Variants in HDGFL3 observed in about 807,000 individuals in gnomAD.
HDGFL3 encodes the protein hepatoma-derived growth factor-related protein 3.
HDGFL3 carries 6 observed loss-of-function variants against 27.6 expected under a neutral mutation model. The ratio of observed to expected loss-of-function variants is 0.22; its 90% CI spans 0.12 to 0.43. The LOEUF (loss-of-function observed/expected upper bound fraction) is 0.43, where lower values mean the gene tolerates loss of function less well. HDGFL3 is among the 20% of genes least tolerant of loss of function. The probability of loss-of-function intolerance (pLI) is 1.00; values close to 1 mark genes in which losing one functional copy is unlikely to be tolerated. For synonymous variants in HDGFL3, 88 were observed against 88.9 expected, an observed-to-expected ratio of 0.99 and a Z score of 0.05; for missense variants, 207 against 250.1, an observed-to-expected ratio of 0.83 and a Z score of 1.16.
chr15:83,151,997 T>C (rs1462600619), intron 4 of HDGFL3, among the ~76,000 whole-genome samples: 1 of 152,234 alleles, frequency 6.6e-6, no homozygotes, highest in East Asian at 1.9e-4. Context: ...TAGAGGAAGA[T>C]GAAAATACAA....
intron 2 of HDGFL3, among the ~76,000 whole-genome samples, chr15:83,158,260 T>C (rs1228708761): frequency 6.6e-6 from 1 of 152,240 alleles, no homozygotes; most frequent in Non-Finnish European, 1.5e-5. Context: ...ACCTGGATTG[T>C]GCTACTTTGA....
chr15:83,153,390 T>G (rs1268740914), intron 4 of HDGFL3, among the ~76,000 whole-genome samples: 2 of 152,190 alleles, frequency 1.3e-5, no homozygotes, highest in Non-Finnish European at 2.9e-5. Context: ...ATGAGTAACC[T>G]TATAAATTAG....
At chr15:83,179,512 G>A (rs569207527) in intron 1 of HDGFL3, among the ~76,000 whole-genome samples, 1 of 152,152 alleles carries the variant, frequency 6.6e-6, no homozygotes, top group African/African-American at 2.4e-5. Context: ...ATGGTAGTTG[G>A]GGGTGAGAAG....
intron 1 of HDGFL3, among the ~76,000 whole-genome samples, chr15:83,197,072 A>C (rs2037578475): frequency 6.6e-6 from 1 of 152,188 alleles, no homozygotes; most frequent in African/African-American, 2.4e-5. Context: ...TTTGTAGTTA[A>C]ATAAATCTTT....
At chr15:83,121,994 A>C in intron 3 of HDGFL3, 1 of 1,610,714 alleles carries the variant, frequency 6.2e-7, no homozygotes, top group South Asian at 1.1e-5. Flanking sequence ...TGTGCCAGGA[A>C]ACATTGTAGG....
At chr15:83,192,144 G>C in intron 1 of HDGFL3, 1 of 333,006 alleles carries the variant, frequency 3.0e-6, no homozygotes, top group South Asian at 2.3e-5. Context: ...GTTTCACCAT[G>C]TTGGCCAGGC....
intron 5 of HDGFL3, among the ~76,000 whole-genome samples, chr15:83,142,684 T>C (rs2036801104): frequency 6.6e-6 from 1 of 152,204 alleles, no homozygotes; most frequent in African/African-American, 2.4e-5. Flanking sequence ...ACGATTAAGA[T>C]ACTCATATCA....
chr15:83,163,179 T>C (rs999919917), intron 2 of HDGFL3, among the ~76,000 whole-genome samples: 5 of 152,212 alleles, frequency 3.3e-5, no homozygotes, highest in African/African-American at 1.2e-4. Context: ...AGAAGTTAGT[T>C]GACAGCCTGC....
intron 3 of HDGFL3, chr15:83,121,896 G>A (rs951730974): frequency 1.3e-6 from 2 of 1,565,118 alleles, no homozygotes; most frequent in African/African-American, 2.7e-5. Context: ...ACCAAGTCAA[G>A]ATTTTTTTGT....
downstream of HDGFL3, among the ~76,000 whole-genome samples, chr15:83,126,589 A>C (rs995094835): frequency 6.6e-6 from 1 of 152,204 alleles, no homozygotes; most frequent in Non-Finnish European, 1.5e-5. Flanking sequence ...TAGTCTCCTT[A>C]GAACAAATCT....
At chr15:83,182,919 T>A (rs181247211) in intron 1 of HDGFL3, among the ~76,000 whole-genome samples, 1 of 152,304 alleles carries the variant, frequency 6.6e-6, no homozygotes, top group East Asian at 1.9e-4. Flanking sequence ...TAAAACAAAT[T>A]TAGCAAAATG....
intron 1 of HDGFL3, among the ~76,000 whole-genome samples, chr15:83,203,247 G>T (rs1456659363): frequency 2.0e-5 from 3 of 152,070 alleles, no homozygotes; most frequent in Non-Finnish European, 4.4e-5. Context: ...CATCTCAGCG[G>T]AAGGTTTGGG....
intron 1 of HDGFL3, chr15:83,184,562 T>G (rs1252198663): frequency 6.6e-6 from 1 of 152,206 alleles, no homozygotes; most frequent in African/African-American, 2.4e-5. Flanking sequence ...TTATCTATTC[T>G]AATCTGAAAT....
intron 1 of HDGFL3, among the ~76,000 whole-genome samples, chr15:83,172,822 C>CACAA (rs1257389858): frequency 3.0e-5 from 2 of 66,762 alleles, no homozygotes; most frequent in East Asian, 4.5e-4. Context: ...GACTCCAGCT[C>CACAA]AAAAAAAAAA....
At chr15:83,157,831 T>C (rs2037052657) in intron 3 of HDGFL3, 72 bp downstream of exon 3, 49 of 1,381,656 alleles carry the variant, frequency 3.5e-5, no homozygotes, top group South Asian at 3.0e-4. Flanking sequence ...AAAGGACATA[T>C]AAGAAAGATT....
At position 83,136,502 on chromosome 15, in the gene HDGFL3, G is replaced by C; in HGVS notation, c.*2768C>G. ...ACAGGCTCAGTTTTCTCACATTGGT[G>C]CATCTCTTCATGCTAGAACTGCTTA... On this transcript the variant is annotated 3_prime_UTR_variant, in exon 6 of 6. Transcript: ENST00000299633. 6.3e-7 allele frequency: 1 copy of C among 1,583,268 alleles called. No individual in the cohort carries two copies.
intron 1 of HDGFL3, among the ~76,000 whole-genome samples, chr15:83,203,703 T>A (rs2037680459): frequency 6.6e-6 from 1 of 151,886 alleles, no homozygotes; most frequent in African/African-American, 2.4e-5. Context: ...ACTTAACCTA[T>A]AAGTAATAAT....
At chr15:83,157,879 A>G (rs755882824) in intron 3 of HDGFL3, 24 bp downstream of exon 3, 176 of 1,601,946 alleles carry the variant, frequency 1.1e-4, no homozygotes, top group Non-Finnish European at 1.5e-4. Flanking sequence ...AGATATAGCA[A>G]GTGACAAGGA....
chr15:83,177,292 T>G (rs2037324667), intron 1 of HDGFL3, among the ~76,000 whole-genome samples: 1 of 152,248 alleles, frequency 6.6e-6, no homozygotes, highest in Non-Finnish European at 1.5e-5. Flanking sequence ...ATTTTTGGTT[T>G]TAAAACACCT....
Sources: gnomAD v4.1 joint callset for allele counts (sites outside exome capture counted in the v4.1 genomes callset) on GRCh38, gnomAD v4.1.1 for gene constraint, MANE v1.5 for transcripts, NCBI Gene and HGNC (gene_info 2026-07-23, HGNC 2026-07-21) for gene names.